The following EFCAB5 variants were observed in gnomAD, a reference collection of about 807,000 sequenced individuals.
The protein encoded by EFCAB5 is EF-hand calcium-binding domain-containing protein 5.
EFCAB5 carries 131 observed loss-of-function variants against 167.9 expected under a neutral mutation model. The ratio of observed to expected loss-of-function variants is 0.78; its 90% CI spans 0.68 to 0.90. The LOEUF (loss-of-function observed/expected upper bound fraction) is 0.90, where lower values mean the gene tolerates loss of function less well. Among genes scored for constraint, EFCAB5 ranks in the 40% least tolerant of loss-of-function variants. The pLI is 0.00. For synonymous variants in EFCAB5, 574 were observed against 602.8 expected (o/e 0.95, Z 0.70); for missense variants, 1,663 against 1,745.2 (o/e 0.95, Z 0.84).
intron 15 of EFCAB5, 101 bp downstream of exon 15, chr17:30,078,605 A>C: frequency 7.5e-7 from 1 of 1,329,056 alleles, no homozygotes; most frequent in South Asian, 1.6e-5. Flanking sequence ...TTGAAAAATC[A>C]CTGGGTGCTG....
chr17:29,952,297 C>T lies in EFCAB5; in HGVS notation c.190+8648C>T, dbSNP rs549319446. ...TGACTTAATCACTTCCCTAAAGGTA[C>T]CACCTTTTAATACTATCACATTGGG... On this transcript the variant is annotated intron_variant, in intron 3 of 22. Transcript: ENST00000394835. 3.3e-5 allele frequency among the ~76,000 whole-genome samples: 5 copies of T among 152,290 alleles called. No homozygotes were observed. The South Asian group carries it at 1.0e-3, about 32-fold the overall frequency.
At position 29,930,347 on chromosome 17, in the gene EFCAB5, C is replaced by T. The variant is rs553821947; in HGVS notation, c.-127+1018C>T. On this transcript the variant is annotated intron_variant, in intron 1 of 3. Transcript: ENST00000448319. ...CTGGCCGAGTGCGTGCGCCTCGGGC[C>T]GCCGCACCCTCCTGGGTTTCCTCCT... 205 of 303,202 alleles carry T rather than the reference C, an allele frequency of 6.8e-4. 3 individuals carry two copies. In the South Asian group the frequency reaches 9.2e-3, roughly 14 times the overall value. 18.8% of individuals were successfully genotyped at this position (303,202 alleles called of 1,614,324 possible). A position where few individuals can be genotyped will look rare whatever the true frequency, so the allele number is the denominator to read the frequency against.
At position 30,051,149 on chromosome 17, in the gene EFCAB5, C is replaced by A. The variant is rs1396829122; in HGVS notation, c.1232C>A (p.Ala411Asp). 1 of 1,613,954 alleles carries A rather than the reference C, an allele frequency of 6.2e-7. No homozygotes were observed. The highest frequency in any genetic ancestry group is 8.5e-7 in the Non-Finnish European group (1 of 1,179,884). ...VGFLDRQRTL[A>D]LLELFYDHSS... ...TTTTTGGATCGGCAGAGGACATTGG[C>A]CCTGCTGGAATTGTTCTATGACCAT... The change falls in exon 9 of 23, where the codon GCC becomes GAC. Residue 411 changes from alanine to aspartate, a missense_variant. Transcript: ENST00000394835.
intron 4 of EFCAB5, among the ~76,000 whole-genome samples, chr17:29,970,325 C>T (rs1264219708): frequency 6.6e-6 from 1 of 152,050 alleles, no homozygotes; most frequent in Non-Finnish European, 1.5e-5. Flanking sequence ...ACTGCTTTAA[C>T]AATTGAGACT....
intron 1 of EFCAB5, among the ~76,000 whole-genome samples, chr17:29,935,166 C>A (rs1334076502): frequency 6.6e-6 from 1 of 152,140 alleles, no homozygotes; most frequent in Non-Finnish European, 1.5e-5. Context: ...ATTATTGAGT[C>A]ATGTGTTGCC....
In EFCAB5 at chr17:30,087,147, AG is replaced by A; in HGVS notation, c.3666del (p.Lys1223SerfsTer29). On this transcript the variant is annotated frameshift_variant, in exon 19 of 23. Coordinates refer to ENST00000394835, the MANE Select transcript of EFCAB5 (RefSeq NM_198529.4). LOFTEE classifies it high-confidence loss of function. ...EIHKNPPTIH[R>X]KSCIFRDFLF... The stretch of plus-strand genomic sequence containing the variant: ...CCACAAAAATCCTCCTACCATCCAC[AG>A]GAAGTCATGCATCTTCAGGTTAGAG... The A allele has an allele frequency of 5.0e-6, 8 of 1,613,680 alleles. No homozygotes were observed. Among genetic ancestry groups the A allele is most frequent in the Non-Finnish European group, 6.8e-6 (8 of 1,179,652 alleles).
At chr17:29,936,987 GGACAATAGC>G (rs1486541509), upstream of EFCAB5, among the ~76,000 whole-genome samples, 1 of 152,104 alleles carries the variant, frequency 6.6e-6, no homozygotes, top group African/African-American at 2.4e-5. Context: ...CATTTTTCTG[GGACAATAGC>G]TACATACCAG....
chr17:29,964,454 C>T (rs772043370), intron 3 of EFCAB5, among the ~76,000 whole-genome samples: 4 of 152,082 alleles, frequency 2.6e-5, no homozygotes, highest in Admixed American at 6.5e-5. Flanking sequence ...GCCACCACAC[C>T]TGGCTAATTT....
chr17:29,982,212 T>A (rs775930481), intron 4 of EFCAB5, among the ~76,000 whole-genome samples: 126 of 152,220 alleles, frequency 8.3e-4, no homozygotes, highest in Non-Finnish European at 1.5e-3. Flanking sequence ...GGCGGATGGA[T>A]CACAAGGTCA....
At chr17:29,982,659 A>G (rs1389184509) in intron 4 of EFCAB5, among the ~76,000 whole-genome samples, 2 of 152,196 alleles carry the variant, frequency 1.3e-5, no homozygotes, top group African/African-American at 4.8e-5. Flanking sequence ...ATTGATTAAA[A>G]CAAGTCCCAG....
chr17:30,008,299 T>A (rs1038544132), intron 7 of EFCAB5, among the ~76,000 whole-genome samples: 6 of 151,822 alleles, frequency 4.0e-5, no homozygotes, highest in Non-Finnish European at 5.9e-5. Flanking sequence ...ATGTGAAAAT[T>A]TTATATTTTA....
intron 14 of EFCAB5, among the ~76,000 whole-genome samples, chr17:30,065,330 C>G (rs1231412491): frequency 1.3e-5 from 2 of 152,062 alleles, no homozygotes; most frequent in African/African-American, 4.8e-5. Context: ...GGATTAAATC[C>G]CCCATTTAAA....
intron 7 of EFCAB5, among the ~76,000 whole-genome samples, chr17:30,025,661 A>C (rs2151718058): frequency 6.6e-6 from 1 of 152,326 alleles, no homozygotes; most frequent in Non-Finnish European, 1.5e-5. Context: ...CAGCCATCCC[A>C]TTACTGGGTA....
chr17:30,015,631 G>A (rs1391645600), intron 7 of EFCAB5, among the ~76,000 whole-genome samples: 2 of 151,820 alleles, frequency 1.3e-5, no homozygotes, highest in African/African-American at 2.4e-5. Context: ...TCTCTGTTTT[G>A]TTTTTTATTA....
intron 11 of EFCAB5, 38 bp from the exon 12 acceptor site, chr17:30,056,026 A>G (rs2070253143): frequency 6.2e-7 from 1 of 1,613,000 alleles, no homozygotes. Context: ...TGTGAAAGCG[A>G]AGTTTGATTG....
chr17:29,930,394 T>G, intron 1 of EFCAB5: 1 of 192,618 alleles, frequency 5.2e-6, no homozygotes. Flanking sequence ...TCGCGCGGTT[T>G]GCCAGCACTG....
At chr17:29,937,305 G>A (rs926860270), upstream of EFCAB5, among the ~76,000 whole-genome samples, 6 of 152,026 alleles carry the variant, frequency 3.9e-5, no homozygotes, top group African/African-American at 1.2e-4. Context: ...TCCTACCTCA[G>A]CCTCCCAAGT....
rs962788218 is a variant in EFCAB5, at chr17:30,054,057, G to T, written c.2103G>T (p.Arg701Ser). ...TTGAAGTCCCTCTACAGGAAAAGAG[G>T]TCTTGGGAACAAACATATGAAGAGG... ...EYIEVPLQEKRSWEQTYEEEI... is the reference protein window; with the variant it reads ...EYIEVPLQEKSSWEQTYEEEI... The change falls in exon 10 of 23, where the codon AGG becomes AGT. Residue 701 changes from arginine to serine, a missense_variant. By Grantham distance (110) the Arg-to-Ser change is moderately radical. Transcript: ENST00000394835. 6 of 1,599,918 alleles carry T rather than the reference G, an allele frequency of 3.8e-6. No homozygotes were observed. In the Admixed American group the frequency reaches 7.0e-5, roughly 19 times the overall value.
intron 7 of EFCAB5, among the ~76,000 whole-genome samples, chr17:30,001,725 A>T (rs1002528866): frequency 6.6e-6 from 1 of 152,260 alleles, no homozygotes; most frequent in Non-Finnish European, 1.5e-5. Context: ...AACAATTTTA[A>T]ATCCACAATT....
Sources: allele counts gnomAD v4.1 joint callset (sites outside exome capture counted in the v4.1 genomes callset), GRCh38; gene constraint gnomAD v4.1.1; transcripts MANE v1.5; gene names NCBI Gene and HGNC (gene_info 2026-07-23, HGNC 2026-07-21).